Variants in SATB2 observed in about 807,000 individuals in gnomAD.
SATB2 encodes SATB homeobox 2, also known as DNA-binding protein SATB2.
SATB2 carries 1 observed loss-of-function variant against 73.4 expected under a neutral mutation model. The ratio of observed to expected loss-of-function variants is 0.01; its 90% CI spans 0.00 to 0.06. The LOEUF (loss-of-function observed/expected upper bound fraction) is 0.06, where lower values mean the gene tolerates loss of function less well. Ranked by LOEUF, SATB2 falls within the 10% of genes least tolerant of loss-of-function variation. The probability of loss-of-function intolerance (pLI) is 1.00; values close to 1 mark genes in which losing one functional copy is unlikely to be tolerated. For missense variants in SATB2, 459 were observed against 945.8 expected (o/e 0.49, Z 6.75); for synonymous variants, 397 against 367.0 (o/e 1.08, Z -0.93).
chr2:199,298,116 T>C (rs182694048), intron 10 of SATB2, among the ~76,000 whole-genome samples: 129 of 152,290 alleles, frequency 8.5e-4, no homozygotes, highest in Admixed American at 1.7e-3. Context: ...CAGTAAGAAT[T>C]ATCCCCTTTA....
At chr2:199,453,369 G>A (rs902109517) in intron 2 of SATB2, among the ~76,000 whole-genome samples, 2 of 151,836 alleles carry the variant, frequency 1.3e-5, no homozygotes, top group Non-Finnish European at 2.9e-5. Flanking sequence ...TTACACCATT[G>A]AAAAGACTGC....
chr2:199,310,899 G>A (rs961861644), intron 9 of SATB2, among the ~76,000 whole-genome samples: 2 of 152,196 alleles, frequency 1.3e-5, no homozygotes, highest in Admixed American at 1.3e-4. Flanking sequence ...CTCCACTTAT[G>A]ACACTGGGAA....
chr2:199,360,791 C>G (rs1319111991), intron 6 of SATB2, among the ~76,000 whole-genome samples: 3 of 152,052 alleles, frequency 2.0e-5, no homozygotes, highest in Non-Finnish European at 2.9e-5. Flanking sequence ...TCCTTGCCAC[C>G]CCTCCCTCAG....
intron 3 of SATB2, among the ~76,000 whole-genome samples, chr2:199,427,557 T>C (rs983670169): frequency 6.6e-6 from 1 of 152,124 alleles, no homozygotes; most frequent in African/African-American, 2.4e-5. Flanking sequence ...TATTAAAATA[T>C]TATGGATAAA....
chr2:199,465,790 A>T (rs1216149581), upstream of SATB2, among the ~76,000 whole-genome samples: 1 of 152,258 alleles, frequency 6.6e-6, no homozygotes, highest in Non-Finnish European at 1.5e-5. Flanking sequence ...GTGTTGTGCT[A>T]AAATTTACCT....
chr2:199,343,630 AC>A (rs371712467), intron 7 of SATB2, among the ~76,000 whole-genome samples: 4 of 152,336 alleles, frequency 2.6e-5, no homozygotes, highest in East Asian at 3.9e-4. Context: ...TTCTGTCAGT[AC>A]CATCTACCTT....
intron 2 of SATB2, among the ~76,000 whole-genome samples, chr2:199,436,887 C>T (rs961911967): frequency 1.3e-5 from 2 of 149,018 alleles, no homozygotes; most frequent in African/African-American, 5.0e-5. Flanking sequence ...ATTAACAACT[C>T]GTCCCAGGCA....
At chr2:199,458,637 T>G (rs1240520992), upstream of SATB2, 3 of 438,540 alleles carry the variant, frequency 6.8e-6, no homozygotes, top group Admixed American at 7.3e-5. Flanking sequence ...GTGCCGCGTC[T>G]GCCGGCGGAG....
chr2:199,320,211 T>C (rs371004206), intron 9 of SATB2, among the ~76,000 whole-genome samples: 3 of 152,092 alleles, frequency 2.0e-5, no homozygotes, highest in African/African-American at 4.8e-5. Flanking sequence ...AAACGCTCCA[T>C]ATGCCTTTAC....
At position 199,285,877 on chromosome 2, in the gene SATB2, GT is replaced by G. The variant is rs1236266312; in HGVS notation, c.1741-13206del. Among the ~76,000 whole-genome samples the G allele has an allele frequency of 9.7e-3, 1,328 of 136,268 alleles. 19 individuals carry two copies. Among genetic ancestry groups the G allele is most frequent in the African/African-American group, 0.033 (1,216 of 37,074 alleles). 89.4% of individuals were successfully genotyped at this position (136,268 alleles called of 152,430 possible). A position where few individuals can be genotyped will look rare whatever the true frequency, so the allele number is the denominator to read the frequency against. ...GTTCAATTTCATCCAGCCTTAGTCTGTTTTTTTTTTTTTTTTTTAAATATTG... is the reference window on the plus strand; with the variant it reads ...GTTCAATTTCATCCAGCCTTAGTCTGTTTTTTTTTTTTTTTTTAAATATTG... On this transcript the variant is annotated intron_variant, in intron 10 of 10. Coordinates refer to ENST00000417098, the MANE Select transcript of SATB2 (RefSeq NM_001172509.2).
intron 3 of SATB2, among the ~76,000 whole-genome samples, 181 bp downstream of exon 3, chr2:199,433,157 C>T (rs903347538): frequency 2.6e-5 from 4 of 152,174 alleles, no homozygotes; most frequent in Admixed American, 1.3e-4. Flanking sequence ...AAGTGCTGGT[C>T]AAATGCTTCC....
intron 10 of SATB2, among the ~76,000 whole-genome samples, chr2:199,285,341 C>T (rs780550791): frequency 1.1e-4 from 17 of 149,748 alleles, no homozygotes; most frequent in Non-Finnish European, 1.3e-4. Context: ...GGAGAAATTA[C>T]ACATGCATTA....
At chr2:199,383,712 C>T (rs541877184) in intron 3 of SATB2, among the ~76,000 whole-genome samples, 37 of 152,274 alleles carry the variant, frequency 2.4e-4, no homozygotes, top group African/African-American at 7.7e-4. Flanking sequence ...CAAGCTTCAA[C>T]GCACAACTCT....
chr2:199,328,358 T>C (rs1356613665), intron 8 of SATB2, among the ~76,000 whole-genome samples: 1 of 151,882 alleles, frequency 6.6e-6, no homozygotes, highest in African/African-American at 2.4e-5. Context: ...CTGGCCAACA[T>C]GGTGAAACCC....
intron 3 of SATB2, among the ~76,000 whole-genome samples, chr2:199,393,730 C>G (rs1690216481): frequency 6.6e-6 from 1 of 151,638 alleles, no homozygotes; most frequent in South Asian, 2.1e-4. Flanking sequence ...CATTAAAGTT[C>G]TACTTTTCTT....
intron 7 of SATB2, among the ~76,000 whole-genome samples, chr2:199,333,466 A>G (rs1308016769): frequency 1.3e-5 from 2 of 152,146 alleles, no homozygotes. Context: ...GTACATGGAT[A>G]TAAAGTTACG....
intron 9 of SATB2, among the ~76,000 whole-genome samples, chr2:199,317,396 G>C (rs1294817074): frequency 6.6e-6 from 1 of 152,002 alleles, no homozygotes; most frequent in Admixed American, 6.6e-5. Context: ...AAATCAGAGA[G>C]GAAGCTTTAA....
intron 2 of SATB2, among the ~76,000 whole-genome samples, chr2:199,438,658 G>A (rs1347187985): frequency 1.2e-4 from 19 of 152,206 alleles, no homozygotes; most frequent in Non-Finnish European, 2.6e-4. Flanking sequence ...AATGAAAGAC[G>A]AAAGATGGTG....
intron 8 of SATB2, among the ~76,000 whole-genome samples, chr2:199,325,109 C>A (rs1161768745): frequency 6.6e-6 from 1 of 152,132 alleles, no homozygotes; most frequent in Admixed American, 6.6e-5. Context: ...GGCTTTGCTT[C>A]CTAACAGTGC....
Sources: allele counts gnomAD v4.1 joint callset (sites outside exome capture counted in the v4.1 genomes callset), GRCh38; gene constraint gnomAD v4.1.1; transcripts MANE v1.5; gene names NCBI Gene and HGNC (gene_info 2026-07-23, HGNC 2026-07-21).